CORO2B: variants seen among roughly 807,000 people sequenced by gnomAD.
CORO2B encodes the protein coronin 2B.
CORO2B carries 26 observed loss-of-function variants against 58.8 expected under a neutral mutation model. That is an observed-to-expected ratio of 0.44 (90% CI 0.32 to 0.61). The LOEUF (loss-of-function observed/expected upper bound fraction) is 0.61, where lower values mean the gene tolerates loss of function less well. Among genes scored for constraint, CORO2B ranks in the 20% least tolerant of loss-of-function variants. The pLI is 0.04. For missense variants in CORO2B, 460 were observed against 645.1 expected, an observed-to-expected ratio of 0.71 and a Z score of 3.11; for synonymous variants, 242 against 253.8, an observed-to-expected ratio of 0.95 and a Z score of 0.44.
intron 3 of CORO2B, among the ~76,000 whole-genome samples, chr15:68,709,489 T>C (rs2140325853): frequency 6.8e-6 from 1 of 147,096 alleles, no homozygotes; most frequent in Non-Finnish European, 1.5e-5. Context: ...TTAGACAGAG[T>C]CTTGCTGTGT....
At chr15:68,629,590 G>A (rs962590851) in intron 1 of CORO2B, among the ~76,000 whole-genome samples, 1 of 152,216 alleles carries the variant, frequency 6.6e-6, no homozygotes, top group African/African-American at 2.4e-5. Context: ...AGGTGCTGGG[G>A]ATGAAACGAT....
Position 68,700,013 on chromosome 15 carries a change from G to A in CORO2B, c.333+4757G>A, listed in dbSNP as rs78245114. Among the ~76,000 whole-genome samples, 422 of 152,314 alleles carry A rather than the reference G, an allele frequency of 2.8e-3. 12 individuals carry two copies. The East Asian group carries it at 0.074, about 27-fold the overall frequency. On this transcript the variant is annotated intron_variant, in intron 3 of 11. Coordinates refer to ENST00000261861, the MANE Select transcript of CORO2B (RefSeq NM_006091.5). ...CCGCTGCAGCCTGGGAGGGGGTGGGGCGTAAAGGAAATGGAGTTTGCAGCT... is the reference window on the plus strand; with the variant it reads ...CCGCTGCAGCCTGGGAGGGGGTGGGACGTAAAGGAAATGGAGTTTGCAGCT...
At position 68,710,800 on chromosome 15, in the gene CORO2B, C is replaced by T. The variant is rs370887038; in HGVS notation, c.402C>T (p.His134=). Residue 134 remains histidine (H), a synonymous_variant, in exon 4 of 12, where the codon CAC becomes CAT. Coordinates refer to ENST00000261861, the MANE Select transcript of CORO2B (RefSeq NM_006091.5). This position sits in a 1 kb window ranked among gnomAD's most constrained non-coding sequence, Gnocchi z 4.1. ...TGACGGAGGCGCTCCTGGAGCTGCA[C>T]GGGCACAGCCGGCGTGTGGGGCTGG... is the stretch of plus-strand genomic sequence containing the variant. ...RNMTEALLEL[H]GHSRRVGLVE... The T allele has an allele frequency of 8.3e-5, 134 of 1,612,070 alleles. No individual in the cohort carries two copies. Among genetic ancestry groups the T allele is most frequent in the Non-Finnish European group, 1.1e-4 (129 of 1,179,334 alleles).
At chr15:68,610,599 T>C (rs1900226543) in intron 1 of CORO2B, among the ~76,000 whole-genome samples, 1 of 152,136 alleles carries the variant, frequency 6.6e-6, no homozygotes, top group South Asian at 2.1e-4. Flanking sequence ...TTTAAATTTG[T>C]AGAAACCTAG....
intron 1 of CORO2B, among the ~76,000 whole-genome samples, 176 bp downstream of exon 1, chr15:68,579,453 G>C (rs568066347): frequency 1.3e-5 from 2 of 152,038 alleles, no homozygotes; most frequent in Non-Finnish European, 2.9e-5. Flanking sequence ...CAAGGACTGC[G>C]GAGGCCAGGG....
chr15:68,680,024 G>A (rs1292552269), intron 2 of CORO2B, among the ~76,000 whole-genome samples: 1 of 152,016 alleles, frequency 6.6e-6, no homozygotes, highest in African/African-American at 2.4e-5. Flanking sequence ...TCTCTATGGT[G>A]TCTGGGCAGG....
chr15:68,614,951 G>A lies in CORO2B; in HGVS notation c.16-30209G>A, dbSNP rs541304252. Reference sequence around the variant, plus strand: ...TGTGTGGAAGTCGGGTGGGGTGGGGGCTTGCTCCCCACAGAGTCCTGTTTA... The same window carrying A: ...TGTGTGGAAGTCGGGTGGGGTGGGGACTTGCTCCCCACAGAGTCCTGTTTA... On this transcript the variant is annotated intron_variant, in intron 1 of 11. Transcript: ENST00000261861. 1.5e-4 allele frequency among the ~76,000 whole-genome samples: 23 copies of A among 152,234 alleles called. 1 individual carries two copies. In the South Asian group the frequency reaches 4.8e-3, roughly 32 times the overall value.
intron 1 of CORO2B, among the ~76,000 whole-genome samples, chr15:68,637,305 G>A (rs1051539320): frequency 1.3e-5 from 2 of 152,150 alleles, no homozygotes; most frequent in African/African-American, 4.8e-5. Context: ...CGAGCCCCTC[G>A]GGACTGTAGG....
At chr15:68,596,570 G>A (rs565994026) in intron 1 of CORO2B, among the ~76,000 whole-genome samples, 15 of 152,262 alleles carry the variant, frequency 9.9e-5, no homozygotes, top group African/African-American at 3.6e-4. Flanking sequence ...CATAAGGCTG[G>A]CCTGTGCTAG....
At chr15:68,541,595 A>T in the CORO2B span, among the ~76,000 whole-genome samples, 191 of 152,354 alleles carry the variant, frequency 1.3e-3, no homozygotes, top group African/African-American at 4.4e-3. Flanking sequence ...GCAAAACAAC[A>T]TCTAGAGCTA....
intron 1 of CORO2B, among the ~76,000 whole-genome samples, chr15:68,600,185 C>T (rs937195861): frequency 6.6e-6 from 1 of 152,232 alleles, no homozygotes; most frequent in Non-Finnish European, 1.5e-5. Context: ...AAACCACACA[C>T]ACAGCACATC....
chr15:68,681,114 G>C (rs1293102592), intron 2 of CORO2B, among the ~76,000 whole-genome samples: 2 of 147,120 alleles, frequency 1.4e-5, no homozygotes, highest in Non-Finnish European at 3.1e-5. Context: ...TCGCGAACCT[G>C]AGGCAGGAGA....
chr15:68,640,974 A>G (rs547355424), intron 1 of CORO2B, among the ~76,000 whole-genome samples: 2 of 152,248 alleles, frequency 1.3e-5, no homozygotes, highest in South Asian at 4.1e-4. Flanking sequence ...AAGACTTAGC[A>G]TAGGTTCACG....
chr15:68,523,485 C>A, the CORO2B span, among the ~76,000 whole-genome samples: 2 of 152,218 alleles, frequency 1.3e-5, no homozygotes, highest in African/African-American at 2.4e-5. Context: ...GCATGAGCCA[C>A]TGTACCCAGC....
At chr15:68,545,608 G>C in the CORO2B span, among the ~76,000 whole-genome samples, 10 of 130,712 alleles carry the variant, frequency 7.7e-5, no homozygotes, top group Admixed American at 1.7e-4. Flanking sequence ...AGGAATGCGG[G>C]GGGCGGGGGG....
At chr15:68,595,870 G>C (rs1322613679) in intron 1 of CORO2B, among the ~76,000 whole-genome samples, 5 of 152,188 alleles carry the variant, frequency 3.3e-5, no homozygotes, top group Non-Finnish European at 2.9e-5. Context: ...GGACCCTGGT[G>C]AGACGGAGCG....
At chr15:68,533,916 C>T in the CORO2B span, among the ~76,000 whole-genome samples, 3 of 152,260 alleles carry the variant, frequency 2.0e-5, no homozygotes, top group East Asian at 3.9e-4. Context: ...TCCTTACATC[C>T]TCATGTTCAG....
chr15:68,599,086 TG>T (rs1237904012), intron 1 of CORO2B, among the ~76,000 whole-genome samples: 1 of 152,214 alleles, frequency 6.6e-6, no homozygotes, highest in Non-Finnish European at 1.5e-5. Context: ...TTTACCTCCT[TG>T]GCCCCTGCCC....
the CORO2B span, among the ~76,000 whole-genome samples, chr15:68,536,335 C>A: frequency 6.6e-6 from 1 of 152,124 alleles, no homozygotes; most frequent in Non-Finnish European, 1.5e-5. Flanking sequence ...ATGTGACTTG[C>A]AAAGGTTGGT....
Sources: gnomAD v4.1 joint callset for allele counts (sites outside exome capture counted in the v4.1 genomes callset) on GRCh38, gnomAD v4.1.1 for gene constraint, Gnocchi (gnomAD v3.1) non-coding constraint, MANE v1.5 for transcripts, NCBI Gene and HGNC (gene_info 2026-07-23, HGNC 2026-07-21) for gene names.